The following TTLL1 variants were observed in gnomAD, a reference collection of about 807,000 sequenced individuals.
TTLL1 encodes the protein TTL family tubulin polyglutamylase complex subunit L1, also known as polyglutamylase complex subunit TTLL1.
TTLL1 carries 33 observed loss-of-function variants against 47.8 expected under a neutral mutation model. The observed-to-expected ratio is 0.69, with a 90% CI of 0.52 to 0.92. TTLL1 has a LOEUF of 0.92. TTLL1 is among the 40% of genes least tolerant of loss of function. The probability of loss-of-function intolerance (pLI) is 0.00; values close to 1 mark genes in which losing one functional copy is unlikely to be tolerated. For missense variants in TTLL1, 488 were observed against 547.5 expected (o/e 0.89, Z 1.08); for synonymous variants, 225 against 214.1 (o/e 1.05, Z -0.45).
intron 3 of TTLL1, among the ~76,000 whole-genome samples, chr22:43,072,130 C>T (rs902800926): frequency 4.0e-5 from 6 of 151,712 alleles, no homozygotes; most frequent in African/African-American, 9.7e-5. Flanking sequence ...GCAAGAACTT[C>T]GCAACCATCT....
rs527352324 is a variant in TTLL1 at position 43,044,822 on chromosome 22, C to T, written c.1142+1588G>A. Among the ~76,000 whole-genome samples the T allele has an allele frequency of 2.0e-5, 3 of 152,030 alleles. No homozygotes were observed. The East Asian group carries it at 5.8e-4, about 29-fold the overall frequency. ...CACCCTTTTCTGCAGTGAGTTTTTCCCAGGCAACCTCCCAGGCCCCATGGT... is the reference window on the plus strand; with the variant it reads ...CACCCTTTTCTGCAGTGAGTTTTTCTCAGGCAACCTCCCAGGCCCCATGGT... On this transcript the variant is annotated intron_variant, in intron 10 of 10. Coordinates refer to ENST00000266254, the MANE Select transcript of TTLL1 (RefSeq NM_012263.5).
At chr22:43,082,737 C>G (rs1196909195) in intron 1 of TTLL1, among the ~76,000 whole-genome samples, 1 of 139,294 alleles carries the variant, frequency 7.2e-6, no homozygotes, top group African/African-American at 2.7e-5. Flanking sequence ...AAACAGGCTG[C>G]GCGCGGTGGC....
At chr22:43,070,719 C>A (rs895287153) in intron 3 of TTLL1, among the ~76,000 whole-genome samples, 1 of 152,154 alleles carries the variant, frequency 6.6e-6, no homozygotes, top group African/African-American at 2.4e-5. Context: ...GTTAACGGCA[C>A]GTGGCCAGTC....
rs563175844 is a variant in TTLL1, at chr22:43,051,616, G to A, written c.978+185C>T. Among the ~76,000 whole-genome samples the A allele has an allele frequency of 2.8e-4, 43 of 152,212 alleles. No individual in the cohort carries two copies. The South Asian group carries it at 7.9e-3, about 28-fold the overall frequency. On this transcript the variant is annotated intron_variant, in intron 9 of 10. Coordinates refer to ENST00000266254, the MANE Select transcript of TTLL1 (RefSeq NM_012263.5). ...CCCTGTCGTGGGCTGGGCTCTGGGA[G>A]GGGAGCAAGGCAGGAATGTGCTTAT...
At position 43,076,332 on chromosome 22, in the gene TTLL1, C is replaced by T. The variant is rs763862291; in HGVS notation, c.-4-742G>A. Among the ~76,000 whole-genome samples, 133 of 152,132 alleles carry T rather than the reference C, an allele frequency of 8.7e-4. 1 individual carries two copies. The highest frequency in any genetic ancestry group is 2.5e-3 in the African/African-American group (103 of 41,506). On this transcript the variant is annotated intron_variant, in intron 2 of 10. Coordinates refer to ENST00000266254, the MANE Select transcript of TTLL1 (RefSeq NM_012263.5). ...TTAGCCGGGTGTGGTTGTGCGCACC[C>T]GTAATCCCAACTACTCGGGAGGTTG... is the stretch of plus-strand genomic sequence containing the variant.
intron 1 of TTLL1, among the ~76,000 whole-genome samples, 191 bp downstream of exon 1, chr22:43,089,086 G>T (rs367829842): frequency 6.6e-6 from 1 of 152,224 alleles, no homozygotes. Flanking sequence ...GAACTCAGCG[G>T]ACGGAGAAAG....
intron 1 of TTLL1, among the ~76,000 whole-genome samples, chr22:43,086,194 G>A (rs1030115867): frequency 9.8e-5 from 15 of 152,286 alleles, no homozygotes; most frequent in African/African-American, 3.4e-4. Context: ...CCTGGTTCAC[G>A]TGAATTGATG....
chr22:43,056,886 G>A lies in TTLL1; in HGVS notation c.891+2498C>T, dbSNP rs1601671129. ...TGGCTCACTGTACCCTCAAACTCCT[G>A]GACTCAAGCAATCCTCCCACCTCAC... On this transcript the variant is annotated intron_variant, in intron 8 of 10. Transcript: ENST00000266254. Among the ~76,000 whole-genome samples the A allele has an allele frequency of 2.0e-5, 3 of 152,244 alleles. 1 individual carries two copies. The East Asian group carries it at 5.8e-4, about 29-fold the overall frequency.
chr22:43,077,673 G>A (rs780330400), intron 2 of TTLL1, among the ~76,000 whole-genome samples: 8 of 152,212 alleles, frequency 5.3e-5, no homozygotes, highest in African/African-American at 9.6e-5. Flanking sequence ...GAAAAGTCTC[G>A]TTTTCAAACT....
rs185881434 is a variant in TTLL1, at chr22:43,077,814, G to A, written c.-5+2088C>T. On this transcript the variant is annotated intron_variant, in intron 2 of 10. Transcript: ENST00000266254. Reference sequence around the variant, plus strand: ...TGTACAATTCACACGTTGTACTTAAGACAATCTTCTGGCCGGGCGCGGTGG... The same window carrying A: ...TGTACAATTCACACGTTGTACTTAAAACAATCTTCTGGCCGGGCGCGGTGG... Among the ~76,000 whole-genome samples the A allele has an allele frequency of 1.8e-3, 269 of 152,228 alleles. 2 individuals carry two copies. Among genetic ancestry groups the A allele is most frequent in the African/African-American group, 6.1e-3 (254 of 41,550 alleles).
At chr22:43,078,117 G>A (rs554518859) in intron 2 of TTLL1, among the ~76,000 whole-genome samples, 2 of 151,334 alleles carry the variant, frequency 1.3e-5, no homozygotes, top group Non-Finnish European at 2.9e-5. Context: ...AAAAAAAAAA[G>A]CACTCAAGAG....
In TTLL1 at chr22:43,067,104, C is replaced by T. The variant is rs2056950; in HGVS notation, c.503+1306G>A. Among the ~76,000 whole-genome samples the T allele has an allele frequency of 1.7e-3, 262 of 152,258 alleles. 1 individual carries two copies. Among genetic ancestry groups the T allele is most frequent in the African/African-American group, 5.7e-3 (236 of 41,560 alleles). ...GGAAAAGGATCAGACAGAAGCTTTG[C>T]CCCGGTGGGCCCCGGGCACTTCTGA... is the stretch of plus-strand genomic sequence containing the variant. On this transcript the variant is annotated intron_variant, in intron 5 of 10. Transcript: ENST00000266254.
Position 43,078,686 on chromosome 22 carries a change from T to C in TTLL1, c.-5+1216A>G, listed in dbSNP as rs548492041. Among the ~76,000 whole-genome samples the C allele has an allele frequency of 3.3e-5, 5 of 152,070 alleles. No homozygotes were observed. The East Asian group carries it at 7.7e-4, about 24-fold the overall frequency. ...TGATGACAACACCCAGGTCACAGGG[T>C]CAATGAGCAATAAACAGAACCGCTC... On this transcript the variant is annotated intron_variant, in intron 2 of 10. Coordinates refer to ENST00000266254, the MANE Select transcript of TTLL1 (RefSeq NM_012263.5).
chr22:43,071,170 G>A (rs908087301), intron 3 of TTLL1, among the ~76,000 whole-genome samples: 2 of 151,958 alleles, frequency 1.3e-5, no homozygotes, highest in Admixed American at 6.6e-5. Context: ...TGCCGCCTCA[G>A]CCTCCCAAAG....
chr22:43,055,569 A>C (rs1926944213), intron 8 of TTLL1, among the ~76,000 whole-genome samples: 1 of 151,100 alleles, frequency 6.6e-6, no homozygotes, highest in Non-Finnish European at 1.5e-5. Flanking sequence ...GGGCTCAAGC[A>C]ATCTGCCCAC....
chr22:43,046,151 G>A (rs1164975047), intron 10 of TTLL1, among the ~76,000 whole-genome samples: 1 of 152,134 alleles, frequency 6.6e-6, no homozygotes, highest in Non-Finnish European at 1.5e-5. Context: ...AACCCAGGAG[G>A]CGGAGGTTGC....
rs550234786 is a variant in TTLL1, at chr22:43,084,748, G to A, written c.-90+4529C>T. ...GATCTCCTGACCTTGTTATCTGCCC[G>A]CCTCAGCCTCCCAAAGTGCTGGGAT... is the stretch of plus-strand genomic sequence containing the variant. On this transcript the variant is annotated intron_variant, in intron 1 of 10. Transcript: ENST00000266254. Among the ~76,000 whole-genome samples, 508 of 151,910 alleles carry A rather than the reference G, an allele frequency of 3.3e-3. 1 individual carries two copies. Among genetic ancestry groups the A allele is most frequent in the African/African-American group, 0.012 (490 of 41,440 alleles).
At chr22:43,041,506 G>A (rs1409010855) in intron 10 of TTLL1, among the ~76,000 whole-genome samples, 3 of 149,892 alleles carry the variant, frequency 2.0e-5, no homozygotes, top group African/African-American at 7.4e-5. Flanking sequence ...TGAAAGAGTA[G>A]GTGGGAAGAA....
intron 9 of TTLL1, among the ~76,000 whole-genome samples, chr22:43,050,888 C>T (rs527625311): frequency 6.6e-5 from 10 of 152,214 alleles, no homozygotes; most frequent in Admixed American, 1.3e-4. Context: ...TCCCCGCTCA[C>T]ACACCCAGCT....
Sources: allele counts gnomAD v4.1 joint callset (sites outside exome capture counted in the v4.1 genomes callset), GRCh38; gene constraint gnomAD v4.1.1; transcripts MANE v1.5; gene names NCBI Gene and HGNC (gene_info 2026-07-23, HGNC 2026-07-21).